Variants in TADA1 observed in about 807,000 individuals in gnomAD.
TADA1 encodes the protein transcriptional adapter 1.
In TADA1, 23 loss-of-function variants were observed where a neutral mutation model predicts 39.3. That is an observed-to-expected ratio of 0.58 (90% CI 0.42 to 0.83). The LOEUF (loss-of-function observed/expected upper bound fraction) is 0.83. TADA1 is among the 40% of genes least tolerant of loss of function. TADA1 has a pLI of 0.00. For missense variants in TADA1, 352 were observed against 408.1 expected (o/e 0.86, Z 1.18); for synonymous variants, 137 against 151.8 (o/e 0.90, Z 0.72).
rs1326462907 is a variant in TADA1, at chr1:166,860,335, A to G, written c.543T>C (p.Asn181=). The change falls in exon 6 of 8, where the codon AAT becomes AAC. Residue 181 remains asparagine, a splice_region_variant and synonymous_variant. Transcript: ENST00000367874. ...AVSAVVYAVE[N]HLKDILTSVV... is the part of the protein sequence containing the mutation. Reference sequence around the variant, plus strand: ...CTGACGTCAGTATATCTTTAAGGTGATTCTGTAAACATACAAAAAGAAAAA... The same window carrying G: ...CTGACGTCAGTATATCTTTAAGGTGGTTCTGTAAACATACAAAAAGAAAAA... 1 of 1,592,890 alleles carries G rather than the reference A, an allele frequency of 6.3e-7. No homozygotes were observed. The highest frequency in any genetic ancestry group is 8.5e-7 in the Non-Finnish European group (1 of 1,170,744).
At chr1:166,868,329 A>C (rs899830546) in intron 3 of TADA1, among the ~76,000 whole-genome samples, 1 of 152,184 alleles carries the variant, frequency 6.6e-6, no homozygotes, top group Non-Finnish European at 1.5e-5. Flanking sequence ...ATCTACCAAT[A>C]ATCTGTGAAA....
intron 1 of TADA1, among the ~76,000 whole-genome samples, chr1:166,874,319 G>A (rs937881335): frequency 1.5e-4 from 22 of 150,992 alleles, no homozygotes; most frequent in South Asian, 4.2e-4. Flanking sequence ...CAGCCTGGAC[G>A]ACAGAGCAAG....
intron 5 of TADA1, among the ~76,000 whole-genome samples, chr1:166,860,742 T>C (rs147940829): frequency 2.6e-5 from 4 of 152,336 alleles, no homozygotes; most frequent in African/African-American, 9.6e-5. Context: ...CGATCTCAGC[T>C]CACTGCAACC....
In TADA1 at chr1:166,856,663, TAAGTA is replaced by T. The variant is rs1203029248; in HGVS notation, c.*899_*903del. ...TAATTTATCTATCAACACTATCCCTTAAGTAAAAAGCAACATATCTCTTAAGTAGG... is the reference window on the plus strand; with the variant it reads ...TAATTTATCTATCAACACTATCCCTTAAAAGCAACATATCTCTTAAGTAGG... On this transcript the variant is annotated 3_prime_UTR_variant, in exon 8 of 8. Transcript: ENST00000367874. 6.6e-6 allele frequency: 1 copy of T among 152,652 alleles called. No individual in the cohort carries two copies. Among genetic ancestry groups the T allele is most frequent in the East Asian group, 1.9e-4 (1 of 5,202 alleles). 9.5% of individuals were successfully genotyped at this position (152,652 alleles called of 1,614,324 possible). A position where few individuals can be genotyped will look rare whatever the true frequency, so the allele number is the denominator to read the frequency against.
intron 3 of TADA1, among the ~76,000 whole-genome samples, chr1:166,866,754 T>A (rs1658543895): frequency 6.6e-6 from 1 of 151,962 alleles, no homozygotes; most frequent in Non-Finnish European, 1.5e-5. Context: ...ATTTTTATTT[T>A]TTTTTTTTGA....
intron 1 of TADA1, among the ~76,000 whole-genome samples, chr1:166,870,257 C>T (rs1658628425): frequency 6.6e-6 from 1 of 152,050 alleles, no homozygotes; most frequent in Non-Finnish European, 1.5e-5. Flanking sequence ...TAGGGTGGGC[C>T]CTAATCCAGT....
At chr1:166,865,248 A>G (rs936990209) in intron 3 of TADA1, among the ~76,000 whole-genome samples, 2 of 152,208 alleles carry the variant, frequency 1.3e-5, no homozygotes, top group Non-Finnish European at 2.9e-5. Flanking sequence ...AAAGGCCCAA[A>G]GAGTTCAGGA....
At chr1:166,868,273 G>C (rs146384860) in intron 3 of TADA1, among the ~76,000 whole-genome samples, 1 of 152,112 alleles carries the variant, frequency 6.6e-6, no homozygotes, top group Non-Finnish European at 1.5e-5. Context: ...GACAGGTTTC[G>C]TTTCCACCTA....
In TADA1 at chr1:166,875,799, G is replaced by A. The variant is rs903886480; in HGVS notation, c.74+361C>T. On this transcript the variant is annotated intron_variant, in intron 1 of 7. Transcript: ENST00000367874. ...CTATGCCCTCTGGCTGGACGCGTAG[G>A]GCTCCGGCTCACTCCGCCCAAGTCA... Among the ~76,000 whole-genome samples, 8 of 152,344 alleles carry A rather than the reference G, an allele frequency of 5.3e-5. No homozygotes were observed. In the Middle Eastern group the frequency reaches 0.024, roughly 453 times the overall value.
intron 6 of TADA1, 75 bp from the exon 7 acceptor site, chr1:166,858,356 A>ATC: frequency 8.6e-7 from 1 of 1,167,324 alleles, no homozygotes; most frequent in Non-Finnish European, 1.2e-6. Context: ...GCCTGCTAGA[A>ATC]TCTTATTTAA....
intron 6 of TADA1, 151 bp downstream of exon 6, chr1:166,860,035 G>A (rs990341958): frequency 1.1e-5 from 8 of 724,280 alleles, no homozygotes; most frequent in Non-Finnish European, 1.3e-5. Flanking sequence ...CTAGATCTCA[G>A]GCAAGTATAG....
At chr1:166,858,065 G>C in intron 7 of TADA1, 54 bp downstream of exon 7, 1 of 1,594,558 alleles carries the variant, frequency 6.3e-7, no homozygotes, top group Non-Finnish European at 8.6e-7. Context: ...TAGACTTAAA[G>C]AATCTCTTAA....
chr1:166,857,903 CA>C (rs1458788544), intron 7 of TADA1, among the ~76,000 whole-genome samples, 184 bp from the exon 8 acceptor site: 1 of 152,196 alleles, frequency 6.6e-6, no homozygotes, highest in Non-Finnish European at 1.5e-5. Context: ...AATAGCAGAA[CA>C]AGGGATTTTT....
chr1:166,862,537 G>A, intron 4 of TADA1, 125 bp from the exon 5 acceptor site: 1 of 702,266 alleles, frequency 1.4e-6, no homozygotes, highest in Non-Finnish European at 2.4e-6. Flanking sequence ...CAGGGGTTAA[G>A]GGAAAAAAGA....
intron 3 of TADA1, among the ~76,000 whole-genome samples, chr1:166,867,068 CTTT>C (rs900195162): frequency 6.6e-6 from 1 of 151,958 alleles, no homozygotes; most frequent in Non-Finnish European, 1.5e-5. Flanking sequence ...TTTAAAATCA[CTTT>C]TTTATAAGTT....
chr1:166,858,215 A>C lies in TADA1; in HGVS notation c.759T>G (p.Ala253=), dbSNP rs752532340. 2.5e-6 allele frequency: 4 copies of C among 1,612,890 alleles called. No homozygotes were observed. The highest frequency in any genetic ancestry group is 2.7e-5 in the African/African-American group (2 of 74,864). Residue 253 remains alanine (A), a synonymous_variant, in exon 7 of 8, where the codon GCT becomes GCG. Transcript: ENST00000367874. ...CCAGCAGGAGTGCAGCCTGCTGCTC[A>C]GCATCATCAGGGGGTGGGTGAGAAG... ...NPASHPPPDD[A]EQQAALLLAC... is the part of the protein sequence containing the mutation.
chr1:166,861,907 T>A (rs558087855), intron 5 of TADA1, among the ~76,000 whole-genome samples: 3 of 151,936 alleles, frequency 2.0e-5, no homozygotes, highest in African/African-American at 4.8e-5. Flanking sequence ...TTTTTTTTTT[T>A]AAATTAGCTG....
At chr1:166,874,980 G>T (rs373158348) in intron 1 of TADA1, among the ~76,000 whole-genome samples, 3 of 152,278 alleles carry the variant, frequency 2.0e-5, no homozygotes, top group African/African-American at 7.2e-5. Flanking sequence ...ATTCATGTAT[G>T]ACATCCAACC....
chr1:166,858,113 A>C lies in TADA1; in HGVS notation c.855+6T>G, dbSNP rs1360715935. 6.2e-7 allele frequency: 1 copy of C among 1,614,054 alleles called. No homozygotes were observed. The highest frequency in any genetic ancestry group is 2.2e-5 in the East Asian group (1 of 44,884). On this transcript the variant is annotated splice_donor_region_variant and intron_variant, in intron 7 of 7. Coordinates refer to ENST00000367874, the MANE Select transcript of TADA1 (RefSeq NM_053053.4). ...CCTAGGTAAACTTTAAGGAGCCAAGACTTACCTGCAAAGCTTCAAAAAGAT... is the reference window on the plus strand; with the variant it reads ...CCTAGGTAAACTTTAAGGAGCCAAGCCTTACCTGCAAAGCTTCAAAAAGAT...
Sources: allele counts gnomAD v4.1 joint callset (sites outside exome capture counted in the v4.1 genomes callset), GRCh38; gene constraint gnomAD v4.1.1; transcripts MANE v1.5; gene names NCBI Gene and HGNC (gene_info 2026-07-23, HGNC 2026-07-21).